The following GRIP1 variants were observed in gnomAD, a reference collection of about 807,000 sequenced individuals.
The protein encoded by GRIP1 is glutamate receptor interacting protein 1.
In GRIP1, 45 loss-of-function variants were observed where a neutral mutation model predicts 129.9. The ratio of observed to expected loss-of-function variants is 0.35; its 90% confidence interval spans 0.27 to 0.44. GRIP1 has a LOEUF of 0.44. GRIP1 is among the 20% of genes least tolerant of loss of function. GRIP1 has a pLI of 1.00. For missense variants in GRIP1, 1,196 were observed against 1,396.8 expected (o/e 0.86, Z 2.29); for synonymous variants, 530 against 520.8 (o/e 1.02, Z -0.24).
intron 9 of GRIP1, among the ~76,000 whole-genome samples, chr12:66,462,083 T>A (rs557515493): frequency 4.6e-5 from 7 of 152,302 alleles, no homozygotes; most frequent in African/African-American, 1.7e-4. Context: ...ACCCAGCAAA[T>A]GTATCTGTGA....
chr12:66,499,135 A>G (rs1037220751), intron 7 of GRIP1, among the ~76,000 whole-genome samples: 4 of 152,198 alleles, frequency 2.6e-5, no homozygotes, highest in Non-Finnish European at 5.9e-5. Context: ...TTGTTTAGAA[A>G]ATGGGATTTA....
intron 1 of GRIP1, among the ~76,000 whole-genome samples, chr12:66,702,467 T>G (rs2035382879): frequency 6.6e-6 from 1 of 152,198 alleles, no homozygotes; most frequent in Non-Finnish European, 1.5e-5. Context: ...TTGATTTTTA[T>G]TTTTAATGAC....
At chr12:66,770,518 A>G (rs1451964339) in intron 1 of GRIP1, among the ~76,000 whole-genome samples, 5 of 152,130 alleles carry the variant, frequency 3.3e-5, no homozygotes, top group African/African-American at 1.2e-4. Flanking sequence ...TTCAAAAAAG[A>G]TTATGGGAAA....
chr12:66,522,767 G>C (rs1193990870), intron 5 of GRIP1, among the ~76,000 whole-genome samples: 1 of 152,022 alleles, frequency 6.6e-6, no homozygotes, highest in African/African-American at 2.4e-5. Context: ...TGGCAAAGAA[G>C]TTAAAAACTT....
intron 1 of GRIP1, among the ~76,000 whole-genome samples, chr12:66,613,433 G>A (rs532824183): frequency 6.6e-6 from 1 of 152,068 alleles, no homozygotes; most frequent in African/African-American, 2.4e-5. Context: ...GCATAGAAAG[G>A]TTCCTGTATG....
chr12:67,057,872 C>A (rs989406727), intron 1 of GRIP1, among the ~76,000 whole-genome samples: 2 of 152,150 alleles, frequency 1.3e-5, no homozygotes, highest in Non-Finnish European at 2.9e-5. Context: ...TTTCATTTAA[C>A]GAAAATGTGC....
chr12:66,923,771 A>G (rs149768870), intron 1 of GRIP1, among the ~76,000 whole-genome samples: 1 of 152,316 alleles, frequency 6.6e-6, no homozygotes, highest in East Asian at 1.9e-4. Flanking sequence ...TTCCTCATCT[A>G]TAAAATGGGA....
intron 2 of GRIP1, among the ~76,000 whole-genome samples, chr12:66,552,005 G>A (rs1197201270): frequency 6.6e-6 from 1 of 152,146 alleles, no homozygotes; most frequent in Non-Finnish European, 1.5e-5. Flanking sequence ...GGAGCAGCTG[G>A]GTGGATAAAA....
intron 2 of GRIP1, among the ~76,000 whole-genome samples, chr12:66,578,802 C>G (rs1444365008): frequency 6.6e-6 from 1 of 152,224 alleles, no homozygotes; most frequent in African/African-American, 2.4e-5. Context: ...GGCCTGCCTG[C>G]CTCCGTAGGC....
At chr12:66,755,558 C>T (rs1290044443) in intron 1 of GRIP1, among the ~76,000 whole-genome samples, 1 of 152,258 alleles carries the variant, frequency 6.6e-6, no homozygotes. Flanking sequence ...ACTCCCTTGG[C>T]TATGCTTCCT....
chr12:66,908,314 T>G (rs1566074135), intron 1 of GRIP1, among the ~76,000 whole-genome samples: 1 of 152,234 alleles, frequency 6.6e-6, no homozygotes, highest in East Asian at 1.9e-4. Context: ...AATGACAATC[T>G]GATGCAGGCC....
chr12:66,942,675 T>C (rs180933519), intron 1 of GRIP1, among the ~76,000 whole-genome samples: 22 of 152,208 alleles, frequency 1.4e-4, no homozygotes, highest in African/African-American at 5.1e-4. Context: ...AAGTGGTGCA[T>C]TGTGAGCCTG....
chr12:66,540,196 T>C (rs988076333), intron 3 of GRIP1, among the ~76,000 whole-genome samples: 1 of 152,206 alleles, frequency 6.6e-6, no homozygotes, highest in African/African-American at 2.4e-5. Flanking sequence ...CCCAAATGTT[T>C]CATGTTTTTT....
intron 1 of GRIP1, among the ~76,000 whole-genome samples, chr12:67,025,242 G>A (rs1025491831): frequency 6.6e-6 from 1 of 152,314 alleles, no homozygotes; most frequent in Non-Finnish European, 1.5e-5. Context: ...TTGGGAGGCT[G>A]AGGCAGAAGA....
intron 7 of GRIP1, among the ~76,000 whole-genome samples, chr12:66,472,486 A>C (rs1038074853): frequency 2.6e-5 from 4 of 152,156 alleles, no homozygotes; most frequent in African/African-American, 9.7e-5. Flanking sequence ...TCTTTAATAT[A>C]GTATGGTCAA....
chr12:66,392,240 G>T, intron 19 of GRIP1, 68 bp downstream of exon 19: 1 of 920,994 alleles, frequency 1.1e-6, no homozygotes, highest in Non-Finnish European at 1.8e-6. Context: ...ATGGAGCAGA[G>T]GATGAATCTT....
intron 1 of GRIP1, among the ~76,000 whole-genome samples, chr12:66,756,218 A>T (rs1592813046): frequency 1.3e-5 from 2 of 152,202 alleles, no homozygotes; most frequent in East Asian, 3.9e-4. Flanking sequence ...GGCAGCCACC[A>T]GTCTACTTTC....
chr12:66,683,584 T>C (rs2034667229), upstream of GRIP1, among the ~76,000 whole-genome samples: 1 of 152,010 alleles, frequency 6.6e-6, no homozygotes, highest in Non-Finnish European at 1.5e-5. Flanking sequence ...AAATCTGGGG[T>C]GATTAAAAAG....
intron 1 of GRIP1, among the ~76,000 whole-genome samples, chr12:66,889,470 C>A (rs1456997900): frequency 2.6e-5 from 4 of 152,142 alleles, no homozygotes. Flanking sequence ...TCAAAAACAA[C>A]AAAATAATAA....
Sources: gnomAD v4.1 joint callset for allele counts (sites outside exome capture counted in the v4.1 genomes callset) on GRCh38, gnomAD v4.1.1 for gene constraint, MANE v1.5 for transcripts, NCBI Gene and HGNC (gene_info 2026-07-23, HGNC 2026-07-21) for gene names.